Variants in CSMD1 observed in about 807,000 individuals in gnomAD.
CSMD1 encodes the protein CUB and sushi domain-containing protein 1.
In CSMD1, 213 loss-of-function variants were observed where a neutral mutation model predicts 417.5. The ratio of observed to expected loss-of-function variants is 0.51; its 90% confidence interval spans 0.46 to 0.57. CSMD1 has a LOEUF of 0.57. Ranked by LOEUF, CSMD1 falls within the 20% of genes least tolerant of loss-of-function variation. The probability of loss-of-function intolerance (pLI) is 0.00; values close to 1 mark genes in which losing one functional copy is unlikely to be tolerated. For missense variants in CSMD1, 6,923 were observed against 4,529.7 expected (o/e 1.53, Z -15.17); for synonymous variants, 2,862 against 1,736.8 (o/e 1.65, Z -16.11).
intron 5 of CSMD1, among the ~76,000 whole-genome samples, chr8:3,777,378 G>A (rs1364666293): frequency 6.6e-6 from 1 of 152,060 alleles, no homozygotes; most frequent in African/African-American, 2.4e-5. Flanking sequence ...AACTGCTGCA[G>A]GATACTTGCA....
At chr8:3,609,514 G>A (rs2469335) in intron 8 of CSMD1, among the ~76,000 whole-genome samples, 110,355 of 151,976 alleles carry the variant, frequency 0.73, 40,547 homozygotes, top group Middle Eastern at 0.82. Context: ...TAATATTTAG[G>A]TTGTCTACGG....
intron 5 of CSMD1, among the ~76,000 whole-genome samples, chr8:3,910,375 C>G (rs533260960): frequency 9.2e-5 from 14 of 152,234 alleles, no homozygotes; most frequent in African/African-American, 3.4e-4. Context: ...CAGAATGCAC[C>G]AGGAAGAGAC....
chr8:4,869,307 A>C (rs971219953), intron 1 of CSMD1, among the ~76,000 whole-genome samples: 3 of 152,072 alleles, frequency 2.0e-5, no homozygotes, highest in African/African-American at 7.3e-5. Context: ...TTTGATGGAA[A>C]CAGTGGAGGA....
intron 3 of CSMD1, among the ~76,000 whole-genome samples, chr8:4,085,227 A>G (rs1800357485): frequency 1.3e-5 from 2 of 152,212 alleles, no homozygotes; most frequent in Admixed American, 6.5e-5. Context: ...GAATCATCTG[A>G]TTGATTTAGG....
rs1318876583 is a variant in CSMD1 at position 3,414,126 on chromosome 8, G to A, written c.1562-4521C>T. On this transcript the variant is annotated intron_variant, in intron 12 of 69. Transcript: ENST00000635120. ...TGCAGTCCAGCCTGTGTGACAGAGC[G>A]AGACTCCGTTAAAGAAAAGAAAAAA... Among the ~76,000 whole-genome samples, 6 of 137,558 alleles carry A rather than the reference G, an allele frequency of 4.4e-5. No homozygotes were observed. In the South Asian group the frequency reaches 9.6e-4, roughly 22 times the overall value. 90.2% of individuals were successfully genotyped at this position (137,558 alleles called of 152,430 possible).
At chr8:4,801,931 G>A (rs945967966) in intron 1 of CSMD1, among the ~76,000 whole-genome samples, 1 of 152,164 alleles carries the variant, frequency 6.6e-6, no homozygotes, top group Non-Finnish European at 1.5e-5. Context: ...GTGATTCAAG[G>A]TAACTGGTAC....
At chr8:3,399,250 A>G in intron 16 of CSMD1, 141 bp downstream of exon 16, 3 of 673,926 alleles carry the variant, frequency 4.5e-6, no homozygotes, top group Non-Finnish European at 4.8e-6. Context: ...ACTTACAAGT[A>G]AGTGCCTGTT....
intron 5 of CSMD1, among the ~76,000 whole-genome samples, chr8:3,964,685 G>C (rs572093716): frequency 9.2e-5 from 14 of 152,086 alleles, no homozygotes; most frequent in Non-Finnish European, 2.1e-4. Context: ...CTTTTAAATG[G>C]ACCATAGTTA....
intron 31 of CSMD1, among the ~76,000 whole-genome samples, chr8:3,203,143 G>A (rs1797078289): frequency 6.6e-6 from 1 of 152,176 alleles, no homozygotes; most frequent in African/African-American, 2.4e-5. Context: ...TAAGAAAAAA[G>A]GAGGGAAGGG....
At chr8:3,333,048 C>A (rs532988802) in intron 23 of CSMD1, among the ~76,000 whole-genome samples, 1 of 152,162 alleles carries the variant, frequency 6.6e-6, no homozygotes, top group Non-Finnish European at 1.5e-5. Context: ...AGCAAGGACA[C>A]GCCCTGCCCA....
intron 3 of CSMD1, among the ~76,000 whole-genome samples, chr8:4,210,702 T>A (rs1489788816): frequency 6.6e-6 from 1 of 152,202 alleles, no homozygotes; most frequent in African/African-American, 2.4e-5. Flanking sequence ...TTTTGCTCAT[T>A]TAATTGTAAT....
Position 4,994,823 on chromosome 8 carries a change from GC to G in CSMD1, c.-408del. 7.1e-6 allele frequency: 1 copy of G among 141,826 alleles called. No individual in the cohort carries two copies. Among genetic ancestry groups the G allele is most frequent in the Admixed American group, 7.6e-5 (1 of 13,110 alleles). The allele number at this position is 141,826 out of a possible 1,614,324, so 8.8% of individuals were successfully genotyped here. A position where few individuals can be genotyped will look rare whatever the true frequency, so the allele number is the denominator to read the frequency against. The stretch of plus-strand genomic sequence containing the variant: ...GCGAGTGGGAGATGCGGGGAGGGGG[GC>G]GCGGGGGGGAGGAGAGATCCAGTCT... On this transcript the variant is annotated 5_prime_UTR_variant, in exon 1 of 70. Transcript: ENST00000635120.
chr8:3,409,701 C>G, intron 12 of CSMD1, 96 bp from the exon 13 acceptor site: 1 of 895,032 alleles, frequency 1.1e-6, no homozygotes, highest in Non-Finnish European at 1.6e-6. Context: ...CTTCTTTTTG[C>G]TGAACTAAAC....
chr8:4,946,498 T>C (rs893076859), intron 1 of CSMD1, among the ~76,000 whole-genome samples: 2 of 152,052 alleles, frequency 1.3e-5, no homozygotes, highest in Admixed American at 6.6e-5. Context: ...CCAGGTACAA[T>C]ATGACAGCCA....
intron 25 of CSMD1, among the ~76,000 whole-genome samples, chr8:3,293,696 C>T (rs1021123543): frequency 5.3e-5 from 8 of 152,140 alleles, no homozygotes; most frequent in African/African-American, 1.9e-4. Context: ...TTAAGGACTT[C>T]TGTGCATTGG....
intron 8 of CSMD1, among the ~76,000 whole-genome samples, chr8:3,597,239 C>T (rs1213536697): frequency 6.6e-6 from 1 of 152,144 alleles, no homozygotes; most frequent in Non-Finnish European, 1.5e-5. Context: ...CCCAGGGGTA[C>T]ACCCAGGCTG....
chr8:4,195,518 T>TG (rs1799282496), intron 3 of CSMD1, among the ~76,000 whole-genome samples: 1 of 152,206 alleles, frequency 6.6e-6, no homozygotes, highest in African/African-American at 2.4e-5. Flanking sequence ...TATGATCCCC[T>TG]GCTCTTGACT....
rs370189800 is a variant in CSMD1, at chr8:4,764,953, T to C, written c.86-127395A>G. 2.2e-3 allele frequency among the ~76,000 whole-genome samples: 339 copies of C among 151,868 alleles called. 1 individual carries two copies. Among genetic ancestry groups the C allele is most frequent in the African/African-American group, 8.0e-3 (331 of 41,410 alleles). On this transcript the variant is annotated intron_variant, in intron 1 of 69. Coordinates refer to ENST00000635120, the MANE Select transcript of CSMD1 (RefSeq NM_033225.6). ...GGTTATTTGAAGGTAATTTCCATGT[T>C]GCACACTCTTTATTTAAAATTCTAG... is the stretch of plus-strand genomic sequence containing the variant.
chr8:3,725,398 A>G (rs1212466351), intron 6 of CSMD1, among the ~76,000 whole-genome samples: 1 of 152,178 alleles, frequency 6.6e-6, no homozygotes, highest in African/African-American at 2.4e-5. Flanking sequence ...CATCACTTGA[A>G]CATTTTTATT....
Sources: allele counts gnomAD v4.1 joint callset (sites outside exome capture counted in the v4.1 genomes callset), GRCh38; gene constraint gnomAD v4.1.1; transcripts MANE v1.5; gene names NCBI Gene and HGNC (gene_info 2026-07-23, HGNC 2026-07-21).